The following WWOX variants were observed in gnomAD, a reference collection of about 807,000 sequenced individuals.
WWOX encodes the protein WW domain-containing oxidoreductase.
In WWOX, 69 loss-of-function variants were observed where a neutral mutation model predicts 46.2. The ratio of observed to expected loss-of-function variants is 1.49; its 90% CI spans 1.23 to 1.82. The LOEUF is 1.82. Ranked by LOEUF, WWOX falls within the 40% of genes most tolerant of loss-of-function variation. The probability of loss-of-function intolerance (pLI) is 0.00; values close to 1 mark genes in which losing one functional copy is unlikely to be tolerated. For synonymous variants in WWOX, 359 were observed against 202.6 expected (o/e 1.77, Z -6.56); for missense variants, 919 against 542.6 (o/e 1.69, Z -6.89).
intron 8 of WWOX, among the ~76,000 whole-genome samples, chr16:78,831,121 G>C (rs1046225188): frequency 1.9e-4 from 29 of 152,178 alleles, no homozygotes; most frequent in Non-Finnish European, 1.0e-4. Context: ...ATCACAGCCT[G>C]GCTGGTGGAG....
At chr16:79,059,842 A>G (rs946629471) in intron 8 of WWOX, among the ~76,000 whole-genome samples, 2 of 152,208 alleles carry the variant, frequency 1.3e-5, no homozygotes, top group South Asian at 4.1e-4. Context: ...CTTAAAAGTA[A>G]TTTGGACTGG....
At chr16:78,410,934 A>G (rs866715521) in intron 6 of WWOX, among the ~76,000 whole-genome samples, 3 of 152,138 alleles carry the variant, frequency 2.0e-5, no homozygotes, top group South Asian at 2.1e-4. Context: ...ACTGAAAGCT[A>G]TAATTCCTGA....
intron 8 of WWOX, among the ~76,000 whole-genome samples, chr16:78,609,728 T>C (rs1276841210): frequency 6.6e-6 from 1 of 152,180 alleles, no homozygotes; most frequent in Non-Finnish European, 1.5e-5. Context: ...AAAAATATAG[T>C]TTCGTTTGGA....
chr16:78,798,322 A>T (rs2050797118), intron 8 of WWOX, among the ~76,000 whole-genome samples: 1 of 152,220 alleles, frequency 6.6e-6, no homozygotes, highest in Non-Finnish European at 1.5e-5. Flanking sequence ...AGAAAAAAAA[A>T]GAAAAAAATC....
intron 8 of WWOX, among the ~76,000 whole-genome samples, chr16:78,753,309 ACTCCGTCTC>A (rs1480035467): frequency 6.6e-6 from 1 of 151,058 alleles, no homozygotes. Context: ...ACAGAGTGAG[ACTCCGTCTC>A]AAAAAAAAAG....
At chr16:78,865,983 A>G (rs2043994888) in intron 8 of WWOX, among the ~76,000 whole-genome samples, 2 of 152,210 alleles carry the variant, frequency 1.3e-5, no homozygotes, top group African/African-American at 4.8e-5. Context: ...ACCGTAGGTG[A>G]TCACATACTA....
At chr16:79,072,906 G>T (rs746089062) in intron 8 of WWOX, among the ~76,000 whole-genome samples, 33 of 152,144 alleles carry the variant, frequency 2.2e-4, no homozygotes, top group Non-Finnish European at 4.7e-4. Flanking sequence ...GAGAAGTTTA[G>T]TTGCCACTTT....
intron 8 of WWOX, among the ~76,000 whole-genome samples, chr16:79,147,279 C>A (rs149960152): frequency 6.6e-6 from 1 of 152,212 alleles, no homozygotes; most frequent in African/African-American, 2.4e-5. Flanking sequence ...TGACCCCTGG[C>A]AACCACTAAA....
chr16:79,111,940 T>C (rs901131567), intron 8 of WWOX, among the ~76,000 whole-genome samples: 1 of 152,066 alleles, frequency 6.6e-6, no homozygotes, highest in Admixed American at 6.6e-5. Context: ...ATCAGGCCTG[T>C]CTCCTTCTTG....
chr16:78,137,436 A>T (rs34025070), intron 4 of WWOX, among the ~76,000 whole-genome samples: 16 of 152,292 alleles, frequency 1.1e-4, no homozygotes, highest in African/African-American at 3.6e-4. Context: ...TGAGAATTCG[A>T]CAAGGTGGAA....
intron 8 of WWOX, among the ~76,000 whole-genome samples, chr16:78,657,156 G>T (rs1418029765): frequency 6.6e-6 from 1 of 152,096 alleles, no homozygotes; most frequent in African/African-American, 2.4e-5. Flanking sequence ...CACCCAATGT[G>T]TCCTGCTCAT....
chr16:78,228,158 G>A (rs2037130835), intron 5 of WWOX, among the ~76,000 whole-genome samples: 1 of 152,086 alleles, frequency 6.6e-6, no homozygotes, highest in Non-Finnish European at 1.5e-5. Context: ...TTTGCATAGA[G>A]AGAGAAGGCA....
At chr16:78,335,499 T>C (rs1050568835) in intron 5 of WWOX, among the ~76,000 whole-genome samples, 2 of 152,214 alleles carry the variant, frequency 1.3e-5, no homozygotes, top group African/African-American at 2.4e-5. Context: ...GGTATATATG[T>C]ACCATATTTT....
intron 8 of WWOX, among the ~76,000 whole-genome samples, chr16:78,900,873 T>C (rs2044814854): frequency 6.6e-6 from 1 of 151,666 alleles, no homozygotes; most frequent in Non-Finnish European, 1.5e-5. Context: ...AAAAAGATAG[T>C]TGATATTGTG....
Position 78,286,380 on chromosome 16 carries a change from C to A in WWOX, c.517-100480C>A, listed in dbSNP as rs556987893. 1.1e-4 allele frequency among the ~76,000 whole-genome samples: 16 copies of A among 152,152 alleles called. No homozygotes were observed. In the South Asian group the frequency reaches 3.3e-3, roughly 32 times the overall value. The stretch of plus-strand genomic sequence containing the variant: ...CAGCCCCAGATGAGGTGGGGGTTGT[C>A]CCCCCCTTTTACTTTCTAGTATTGT... On this transcript the variant is annotated intron_variant, in intron 5 of 8. Transcript: ENST00000566780.
rs189375922 is a variant in WWOX, at chr16:78,110,801, G to A, written c.230+966G>A. ...ACTGCCAGTGACACAGACTTGAGGG[G>A]GTAAGTGACTTGTTAAGGATCCCAC... On this transcript the variant is annotated intron_variant, in intron 3 of 8. Transcript: ENST00000566780. 2.9e-3 allele frequency among the ~76,000 whole-genome samples: 438 copies of A among 152,246 alleles called. 4 individuals are homozygous for A. The highest frequency in any genetic ancestry group is 4.8e-3 in the Non-Finnish European group (328 of 68,022).
intron 8 of WWOX, among the ~76,000 whole-genome samples, chr16:78,566,696 T>C (rs1178348125): frequency 1.3e-5 from 2 of 152,084 alleles, no homozygotes; most frequent in African/African-American, 2.4e-5. Context: ...AGTCAGGAGA[T>C]TGGAAATTTT....
At chr16:79,143,569 C>T (rs189242363) in intron 8 of WWOX, among the ~76,000 whole-genome samples, 2 of 151,958 alleles carry the variant, frequency 1.3e-5, no homozygotes, top group Admixed American at 6.6e-5. Context: ...TACTCAGATC[C>T]GTTAGAAAAA....
At chr16:78,600,018 G>A (rs899425761) in intron 8 of WWOX, among the ~76,000 whole-genome samples, 4 of 152,142 alleles carry the variant, frequency 2.6e-5, no homozygotes, top group South Asian at 2.1e-4. Context: ...CATGGCTGGG[G>A]AGGCCTCACA....
Sources: gnomAD v4.1 joint callset for allele counts (sites outside exome capture counted in the v4.1 genomes callset) on GRCh38, gnomAD v4.1.1 for gene constraint, MANE v1.5 for transcripts, NCBI Gene and HGNC (gene_info 2026-07-23, HGNC 2026-07-21) for gene names.